The following CCDC181 variants were observed in gnomAD, a reference collection of about 807,000 sequenced individuals.
CCDC181 encodes the protein coiled-coil domain-containing protein 181.
CCDC181 carries 35 observed loss-of-function variants against 58.7 expected under a neutral mutation model. The observed-to-expected ratio is 0.60, with a 90% CI of 0.46 to 0.79. The LOEUF (loss-of-function observed/expected upper bound fraction) is 0.79, where lower values mean the gene tolerates loss of function less well. Among genes scored for constraint, CCDC181 ranks in the 30% least tolerant of loss-of-function variants. The pLI is 0.00. For missense variants in CCDC181, 517 were observed against 583.9 expected, an observed-to-expected ratio of 0.89 and a Z score of 1.18; for synonymous variants, 183 against 197.5, an observed-to-expected ratio of 0.93 and a Z score of 0.62.
intron 4 of CCDC181, among the ~76,000 whole-genome samples, chr1:169,406,636 A>T (rs1406693872): frequency 6.6e-6 from 1 of 152,098 alleles, no homozygotes; most frequent in East Asian, 1.9e-4. Context: ...ATCACACACC[A>T]GGGCCTGTTG....
chr1:169,401,013 G>A (rs142757931), intron 4 of CCDC181, among the ~76,000 whole-genome samples: 5,955 of 152,256 alleles, frequency 0.039, 197 homozygotes, highest in Non-Finnish European at 0.053. Flanking sequence ...CCCGCACCTG[G>A]CTCAGAGGGT....
chr1:169,396,978 C>T (rs1365571596), intron 5 of CCDC181, among the ~76,000 whole-genome samples: 1 of 151,486 alleles, frequency 6.6e-6, no homozygotes, highest in African/African-American at 2.4e-5. Flanking sequence ...ACACTGGTGC[C>T]ATAAGAAATA....
intron 4 of CCDC181, among the ~76,000 whole-genome samples, chr1:169,417,974 A>C (rs1571487628): frequency 1.3e-5 from 2 of 152,332 alleles, no homozygotes; most frequent in South Asian, 4.2e-4. Context: ...AGGAAAAATA[A>C]GATGATAACC....
chr1:169,410,512 G>A lies in CCDC181; in HGVS notation c.1215+8501C>T, dbSNP rs950012592. The stretch of plus-strand genomic sequence containing the variant: ...ACAGAAAATTAACAAGGATATTCAG[G>A]ACTTGAACTCAGCTCTGGACCAAGC... On this transcript the variant is annotated intron_variant, in intron 4 of 5. Transcript: ENST00000367806. 6.6e-5 allele frequency among the ~76,000 whole-genome samples: 10 copies of A among 152,158 alleles called. No homozygotes were observed. The East Asian group carries it at 1.9e-3, about 29-fold the overall frequency.
chr1:169,442,368 G>A (rs1055045746), intron 2 of CCDC181, among the ~76,000 whole-genome samples: 2 of 151,460 alleles, frequency 1.3e-5, no homozygotes, highest in Non-Finnish European at 3.0e-5. Context: ...AAGTACAAAT[G>A]TCTTGAAAAC....
intron 4 of CCDC181, among the ~76,000 whole-genome samples, chr1:169,418,358 G>GA (rs1164034194): frequency 5.3e-5 from 8 of 151,206 alleles, no homozygotes; most frequent in African/African-American, 1.5e-4. Context: ...ATGATGAAGT[G>GA]AAAAAAAACT....
At chr1:169,418,431 G>A (rs552026659) in intron 4 of CCDC181, among the ~76,000 whole-genome samples, 17 of 151,772 alleles carry the variant, frequency 1.1e-4, no homozygotes, top group Non-Finnish European at 1.9e-4. Flanking sequence ...TTTGCACCAC[G>A]CTGTTAAAAG....
intron 2 of CCDC181, among the ~76,000 whole-genome samples, chr1:169,448,590 A>G (rs560381533): frequency 6.6e-6 from 1 of 151,950 alleles, no homozygotes; most frequent in African/African-American, 2.4e-5. Context: ...GGCTTTCAAT[A>G]TATTTTTGCC....
At chr1:169,408,220 G>A (rs529157398) in intron 4 of CCDC181, among the ~76,000 whole-genome samples, 4 of 152,310 alleles carry the variant, frequency 2.6e-5, no homozygotes, top group African/African-American at 4.8e-5. Context: ...TGGGACGCTC[G>A]AGCTTCTTGT....
rs761365357 is a variant in CCDC181, at chr1:169,421,502, C to T, written c.929G>A (p.Arg310Gln). Reference sequence around the variant, plus strand: ...ATTAGATTTCCCATTCCCTTTACTTCGATCTGAGTTGACAGCAGAGCTTGG... The same window carrying T: ...ATTAGATTTCCCATTCCCTTTACTTTGATCTGAGTTGACAGCAGAGCTTGG... ...TCPSSAVNSD[R>Q]SKGNGKSNHR... The change falls in exon 3 of 6, where the codon CGA becomes CAA. Residue 310 changes from arginine to glutamine, a missense_variant. By Grantham distance (43) the Arg-to-Gln change is conservative. Transcript: ENST00000367806. 10 of 1,614,064 alleles carry T rather than the reference C, an allele frequency of 6.2e-6. No homozygotes were observed. The highest frequency in any genetic ancestry group is 7.6e-6 in the Non-Finnish European group (9 of 1,180,006).
intron 4 of CCDC181, among the ~76,000 whole-genome samples, chr1:169,407,027 C>T (rs1655699640): frequency 7.0e-6 from 1 of 143,516 alleles, no homozygotes; most frequent in Admixed American, 7.2e-5. Context: ...AATTGGATTT[C>T]CAGAAGGAGA....
chr1:169,394,936 A>T lies in CCDC181; in HGVS notation c.*111T>A. ...AAAAAAACAAATTCACTGTCAATAA[A>T]AGATAAATACCATTTCCATAATTTA... On this transcript the variant is annotated 3_prime_UTR_variant, in exon 6 of 6. Coordinates refer to ENST00000367806, the MANE Select transcript of CCDC181 (RefSeq NM_001300969.2). The T allele has an allele frequency of 9.9e-7, 1 of 1,005,394 alleles. No homozygotes were observed. Among genetic ancestry groups the T allele is most frequent in the Non-Finnish European group, 1.4e-6 (1 of 721,744 alleles). The allele number at this position is 1,005,394 out of a possible 1,614,324, so 62.3% of individuals were successfully genotyped here. A position where few individuals can be genotyped will look rare whatever the true frequency, so the allele number is the denominator to read the frequency against.
chr1:169,428,929 T>A (rs1273384169), upstream of CCDC181, among the ~76,000 whole-genome samples: 1 of 152,132 alleles, frequency 6.6e-6, no homozygotes, highest in Non-Finnish European at 1.5e-5. Flanking sequence ...AATATGTAGT[T>A]TTTTTATGCC....
upstream of CCDC181, among the ~76,000 whole-genome samples, chr1:169,429,458 A>T (rs185198516): frequency 3.9e-5 from 6 of 152,236 alleles, no homozygotes; most frequent in East Asian, 1.2e-3. Context: ...ATCCATGCCA[A>T]CATCTGTTGT....
intron 2 of CCDC181, among the ~76,000 whole-genome samples, chr1:169,453,940 A>G (rs964249829): frequency 2.6e-5 from 4 of 151,992 alleles, no homozygotes; most frequent in African/African-American, 9.7e-5. Flanking sequence ...CTTCTTTTCA[A>G]AGGGACACCA....
intron 4 of CCDC181, among the ~76,000 whole-genome samples, chr1:169,402,982 CAAAAA>C (rs200205840): frequency 3.3e-5 from 4 of 122,760 alleles, no homozygotes; most frequent in Non-Finnish European, 6.8e-5. Flanking sequence ...GGAAAACAAA[CAAAAA>C]AAAAAAAAAG....
chr1:169,401,617 A>G (rs1323415223), intron 4 of CCDC181, among the ~76,000 whole-genome samples: 2 of 152,234 alleles, frequency 1.3e-5, no homozygotes, highest in Non-Finnish European at 2.9e-5. Flanking sequence ...ACTAACAAAC[A>G]GAAAGGACAT....
intron 4 of CCDC181, among the ~76,000 whole-genome samples, chr1:169,410,632 A>G (rs566037265): frequency 3.3e-5 from 5 of 152,312 alleles, no homozygotes; most frequent in African/African-American, 1.2e-4. Context: ...AATTGACCAC[A>G]TATGGGAAGT....
In CCDC181 at chr1:169,397,248, C is replaced by T; in HGVS notation, c.1359G>A (p.Arg453=). The T allele has an allele frequency of 6.3e-7, 1 of 1,598,372 alleles. No individual in the cohort carries two copies. Among genetic ancestry groups the T allele is most frequent in the Non-Finnish European group, 8.5e-7 (1 of 1,173,640 alleles). The part of the protein sequence containing the change: ...FFLKGTEGRE[R]AFKQWLRRKR... The stretch of plus-strand genomic sequence containing the variant: ...TGCCTTTAACTTACTGTTTAAAGGC[C>T]CTTTCCCGGCCTTCTGTTCCTTTAA... The change falls in exon 5 of 6, where the codon AGG becomes AGA. Residue 453 remains arginine (R), a synonymous_variant. Coordinates refer to ENST00000367806, the MANE Select transcript of CCDC181 (RefSeq NM_001300969.2).
Sources: gnomAD v4.1 joint callset for allele counts (sites outside exome capture counted in the v4.1 genomes callset) on GRCh38, gnomAD v4.1.1 for gene constraint, MANE v1.5 for transcripts, NCBI Gene and HGNC (gene_info 2026-07-23, HGNC 2026-07-21) for gene names.